LPCAT2: variants seen among roughly 807,000 people sequenced by gnomAD.
LPCAT2 encodes the protein 1-AGP acyltransferase 11.
LPCAT2 carries 58 observed loss-of-function variants against 64.7 expected under a neutral mutation model. The observed-to-expected ratio is 0.90, with a 90% confidence interval of 0.73 to 1.12. The LOEUF (loss-of-function observed/expected upper bound fraction) is 1.12. Among genes scored for constraint, LPCAT2 ranks in the 50% most tolerant of loss-of-function variants. LPCAT2 has a pLI of 0.00. For missense variants in LPCAT2, 579 were observed against 669.8 expected (o/e 0.86, Z 1.50); for synonymous variants, 252 against 245.3 (o/e 1.03, Z -0.26).
At chr16:55,549,020 A>G (rs1963484384) in intron 9 of LPCAT2, among the ~76,000 whole-genome samples, 1 of 152,188 alleles carries the variant, frequency 6.6e-6, no homozygotes, top group Non-Finnish European at 1.5e-5. Flanking sequence ...TTATTATTAT[A>G]GTTAAAACAC....
rs1963940707 is a variant in LPCAT2 at position 55,585,947 on chromosome 16, G to T, written c.*2849G>T. The T allele has an allele frequency of 1.3e-5, 2 of 152,202 alleles. No individual in the cohort carries two copies. The highest frequency in any genetic ancestry group is 2.1e-4 in the South Asian group (1 of 4,830). The allele number at this position is 152,202 out of a possible 1,614,324, so 9.4% of individuals were successfully genotyped here. A position where few individuals can be genotyped will look rare whatever the true frequency, so the allele number is the denominator to read the frequency against. On this transcript the variant is annotated 3_prime_UTR_variant, in exon 14 of 14. Coordinates refer to ENST00000262134, the MANE Select transcript of LPCAT2 (RefSeq NM_017839.5). ...GAAGGATATTGACTATATTGGAACA[G>T]ATGGAGTCTCTACTACAAAAGTCTT...
intron 4 of LPCAT2, among the ~76,000 whole-genome samples, chr16:55,530,367 A>C (rs1963235761): frequency 6.6e-6 from 1 of 152,068 alleles, no homozygotes; most frequent in South Asian, 2.1e-4. Context: ...AGTGATTAAG[A>C]TCTTTAATCT....
intron 1 of LPCAT2, among the ~76,000 whole-genome samples, chr16:55,518,321 TTAAA>T (rs1306202321): frequency 6.6e-6 from 1 of 152,042 alleles, no homozygotes; most frequent in African/African-American, 2.4e-5. Flanking sequence ...TTTGGAAAAC[TTAAA>T]TAGTTAAGAT....
chr16:55,542,936 A>G (rs1963414034), intron 8 of LPCAT2, among the ~76,000 whole-genome samples: 1 of 152,164 alleles, frequency 6.6e-6, no homozygotes, highest in Non-Finnish European at 1.5e-5. Flanking sequence ...GAAGTTAGAA[A>G]GGAAAACTTG....
At chr16:55,561,593 C>T (rs199756774) in intron 11 of LPCAT2, among the ~76,000 whole-genome samples, 1 of 150,824 alleles carries the variant, frequency 6.6e-6, no homozygotes, top group African/African-American at 2.4e-5. Flanking sequence ...GGATTTAAAC[C>T]ACAGCAAAAA....
At chr16:55,567,428 GTC>G in intron 11 of LPCAT2, 2 of 1,613,854 alleles carry the variant, frequency 1.2e-6, no homozygotes, top group Non-Finnish European at 1.7e-6. Flanking sequence ...GTGCCTTCAA[GTC>G]TCTGGATAGA....
At chr16:55,529,461 A>G (rs1567394154) in intron 3 of LPCAT2, among the ~76,000 whole-genome samples, 1 of 152,184 alleles carries the variant, frequency 6.6e-6, no homozygotes, top group Non-Finnish European at 1.5e-5. Flanking sequence ...ATTATGAGTA[A>G]TGGTTACTCC....
At chr16:55,566,553 C>T in intron 11 of LPCAT2, 1 of 539,518 alleles carries the variant, frequency 1.9e-6, no homozygotes, top group Non-Finnish European at 3.3e-6. Context: ...TTTATTGAGG[C>T]CTTGTAAAAT....
At chr16:55,518,053 G>A (rs1314958570) in intron 1 of LPCAT2, among the ~76,000 whole-genome samples, 1 of 152,086 alleles carries the variant, frequency 6.6e-6, no homozygotes, top group Non-Finnish European at 1.5e-5. Context: ...AAATCCTGAG[G>A]AATGCACAAA....
Position 55,586,292 on chromosome 16 carries a change from A to G in LPCAT2, c.*3194A>G, listed in dbSNP as rs576745566. 9 of 152,230 alleles carry G rather than the reference A, an allele frequency of 5.9e-5. No individual in the cohort carries two copies. The highest frequency in any genetic ancestry group is 4.6e-4 in the Admixed American group (7 of 15,294). 9.4% of individuals were successfully genotyped at this position (152,230 alleles called of 1,614,324 possible). On this transcript the variant is annotated 3_prime_UTR_variant, in exon 14 of 14. Transcript: ENST00000262134. ...TCGTTCTCTCTCAACAAACTTCTCA[A>G]GCGTCTGTGTAACAAGCCACATGTT... is the stretch of plus-strand genomic sequence containing the variant.
At chr16:55,518,735 A>G (rs1191467198) in intron 1 of LPCAT2, among the ~76,000 whole-genome samples, 2 of 152,232 alleles carry the variant, frequency 1.3e-5, no homozygotes, top group Non-Finnish European at 2.9e-5. Context: ...GTGCAGGAGA[A>G]GGAAGTTAGG....
intron 11 of LPCAT2, chr16:55,567,508 G>A (rs1382274015): frequency 6.2e-7 from 1 of 1,609,674 alleles, no homozygotes; most frequent in Admixed American, 1.7e-5. Flanking sequence ...TCCTGAAGTG[G>A]GAACTGAGAA....
intron 11 of LPCAT2, among the ~76,000 whole-genome samples, chr16:55,561,994 T>C (rs1483170565): frequency 1.3e-5 from 2 of 152,040 alleles, no homozygotes; most frequent in Non-Finnish European, 2.9e-5. Flanking sequence ...GCTAGAATAA[T>C]CATTATTCAG....
intron 1 of LPCAT2, among the ~76,000 whole-genome samples, chr16:55,514,680 A>G (rs1282977230): frequency 6.6e-6 from 1 of 152,222 alleles, no homozygotes; most frequent in Admixed American, 6.5e-5. Context: ...GTGTGTAAAG[A>G]AAAACAAAGT....
intron 1 of LPCAT2, among the ~76,000 whole-genome samples, chr16:55,514,666 C>T (rs1231606796): frequency 6.6e-6 from 1 of 152,010 alleles, no homozygotes; most frequent in African/African-American, 2.4e-5. Context: ...TTAAAAATTG[C>T]AAGGTGTGTA....
Position 55,528,512 on chromosome 16 carries a change from C to T in LPCAT2, c.447C>T (p.Phe149=). Residue 149 remains phenylalanine, a synonymous_variant, in exon 3 of 14, where the codon TTC becomes TTT. Coordinates refer to ENST00000262134, the MANE Select transcript of LPCAT2 (RefSeq NM_017839.5). ...TTGTTGCTGCCCCTCATTCAACATT[C>T]TTTGATGGAATTGCCTGTGTTGTAG... The part of the protein sequence containing the change: ...PVFVAAPHST[F]FDGIACVVAG... 1 of 1,613,996 alleles carries T rather than the reference C, an allele frequency of 6.2e-7. No homozygotes were observed. The highest frequency in any genetic ancestry group is 8.5e-7 in the Non-Finnish European group (1 of 1,179,948).
intron 12 of LPCAT2, 29 bp downstream of exon 12, chr16:55,574,758 G>T: frequency 1.3e-6 from 2 of 1,526,516 alleles, no homozygotes; most frequent in Non-Finnish European, 1.8e-6. Flanking sequence ...AAAGCATCTT[G>T]GTCTGCCTTG....
intron 8 of LPCAT2, chr16:55,541,564 G>C (rs1963396934): frequency 5.2e-6 from 1 of 192,180 alleles, no homozygotes; most frequent in African/African-American, 2.4e-5. Context: ...TTCTAACAAA[G>C]CTAATTTCTT....
chr16:55,565,268 G>A (rs774361106), intron 11 of LPCAT2, among the ~76,000 whole-genome samples: 2 of 152,170 alleles, frequency 1.3e-5, no homozygotes, highest in Non-Finnish European at 2.9e-5. Flanking sequence ...GGGGATGTAA[G>A]TGGTACAGTC....
Sources: allele counts gnomAD v4.1 joint callset (sites outside exome capture counted in the v4.1 genomes callset), GRCh38; gene constraint gnomAD v4.1.1; transcripts MANE v1.5; gene names NCBI Gene and HGNC (gene_info 2026-07-23, HGNC 2026-07-21).